Variants in MIER2 observed in about 807,000 individuals in gnomAD.
MIER2 encodes the protein mesoderm induction early response protein 2.
Under a neutral mutation model 67.6 loss-of-function variants are expected in MIER2, and 30 were observed. The observed-to-expected ratio is 0.44, with a 90% CI of 0.33 to 0.60. MIER2 has a LOEUF of 0.60. MIER2 is among the 20% of genes least tolerant of loss of function. MIER2 has a pLI of 0.02. For missense variants in MIER2, 702 were observed against 745.1 expected, an observed-to-expected ratio of 0.94 and a Z score of 0.67; for synonymous variants, 372 against 312.6, an observed-to-expected ratio of 1.19 and a Z score of -2.00.
At chr19:306,851 TGAGGGGAGCTGGTGGCTGGAGCAGGG>T in intron 13 of MIER2, 140 bp from the exon 14 acceptor site, 1 of 1,365,466 alleles carries the variant, frequency 7.3e-7, no homozygotes, top group African/African-American at 1.4e-5. Flanking sequence ...CGGGGTGCCC[TGAGGGGAGCTGGTGGCTGGAGCAGGG>T]GTGGGACAGC....
At chr19:317,261 C>CTCTT (rs1319301751) in intron 7 of MIER2, among the ~76,000 whole-genome samples, 1 of 151,838 alleles carries the variant, frequency 6.6e-6, no homozygotes, top group Non-Finnish European at 1.5e-5. Flanking sequence ...GGCGCGGTGG[C>CTCTT]GGGCACCTGT....
intron 1 of MIER2, among the ~76,000 whole-genome samples, chr19:336,642 G>C (rs1972270952): frequency 6.6e-6 from 1 of 152,208 alleles, no homozygotes; most frequent in South Asian, 2.1e-4. Flanking sequence ...GAGAGTGACT[G>C]CTAACGGGGA....
At chr19:315,533 T>A (rs1370794222) in intron 7 of MIER2, among the ~76,000 whole-genome samples, 1 of 152,088 alleles carries the variant, frequency 6.6e-6, no homozygotes, top group African/African-American at 2.4e-5. Flanking sequence ...TAGAAAAGAA[T>A]CTCAAGGACC....
rs182407866 is a variant in MIER2, at chr19:341,688, G to T, written c.9+3086C>A. Among the ~76,000 whole-genome samples the T allele has an allele frequency of 1.2e-4, 19 of 152,308 alleles. No homozygotes were observed. The East Asian group carries it at 3.3e-3, about 26-fold the overall frequency. On this transcript the variant is annotated intron_variant, in intron 1 of 13. Transcript: ENST00000264819. Reference sequence around the variant, plus strand: ...TCCCTCTGAGTTCACTCCCAGGAAAGACAAAGTCCTCTGTTTTGTCAAAGT... The same window carrying T: ...TCCCTCTGAGTTCACTCCCAGGAAATACAAAGTCCTCTGTTTTGTCAAAGT...
At chr19:328,737 G>A (rs1971881849) in intron 3 of MIER2, among the ~76,000 whole-genome samples, 1 of 152,082 alleles carries the variant, frequency 6.6e-6, no homozygotes, top group African/African-American at 2.4e-5. Context: ...GGCAGAGTGA[G>A]AATCTGTCTC....
intron 3 of MIER2, among the ~76,000 whole-genome samples, chr19:333,775 G>A (rs963412976): frequency 1.2e-4 from 17 of 145,208 alleles, no homozygotes; most frequent in South Asian, 4.7e-4. Flanking sequence ...TGCAAGCTCC[G>A]TCTCCCGGGT....
intron 7 of MIER2, among the ~76,000 whole-genome samples, chr19:314,571 G>C (rs928306878): frequency 6.6e-6 from 1 of 152,126 alleles, no homozygotes; most frequent in African/African-American, 2.4e-5. Context: ...GGGCTGACGC[G>C]GTAACTAGCT....
Position 311,860 on chromosome 19 carries a change from C to A in MIER2, c.969G>T (p.Leu323=). ...GAGTCCGCACCTTGTTGGCCTGGAT[C>A]AGGTGAAAGTTCTTTCCATGCACAC... ...GFRVHGKNFH[L]IQANKVRTRS... Residue 323 remains leucine, a synonymous_variant, in exon 10 of 14, where the codon CTG becomes CTT. Transcript: ENST00000264819. 1.2e-6 allele frequency: 2 copies of A among 1,614,068 alleles called. No homozygotes were observed. Among genetic ancestry groups the A allele is most frequent in the East Asian group, 4.5e-5 (2 of 44,864 alleles).
At chr19:306,973 T>TA in intron 13 of MIER2, 146 bp downstream of exon 13, 2 of 1,042,348 alleles carry the variant, frequency 1.9e-6, no homozygotes, top group Non-Finnish European at 2.7e-6. Context: ...AGAATAAACC[T>TA]AAAGACACAC....
intron 7 of MIER2, among the ~76,000 whole-genome samples, chr19:321,073 C>T (rs1347222546): frequency 6.6e-6 from 1 of 152,208 alleles, no homozygotes; most frequent in Non-Finnish European, 1.5e-5. Flanking sequence ...GATCTGAGAG[C>T]CAAGACAGAG....
intron 7 of MIER2, among the ~76,000 whole-genome samples, chr19:315,875 C>T (rs753166853): frequency 6.6e-6 from 1 of 152,166 alleles, no homozygotes; most frequent in Non-Finnish European, 1.5e-5. Flanking sequence ...CACACGAAGA[C>T]GTGTGCACAG....
intron 7 of MIER2, among the ~76,000 whole-genome samples, chr19:322,261 A>G (rs1971533406): frequency 1.3e-5 from 2 of 152,214 alleles, no homozygotes; most frequent in African/African-American, 4.8e-5. Context: ...GAAAGGAAAA[A>G]CAATAAATCT....
chr19:334,878 G>C (rs768578092), intron 2 of MIER2, among the ~76,000 whole-genome samples: 1 of 152,200 alleles, frequency 6.6e-6, no homozygotes, highest in Non-Finnish European at 1.5e-5. Flanking sequence ...GGTAGAAGGA[G>C]CAGCAGGACT....
chr19:334,361 T>G, intron 3 of MIER2, 39 bp downstream of exon 3: 3 of 1,612,518 alleles, frequency 1.9e-6, no homozygotes, highest in Non-Finnish European at 2.5e-6. Flanking sequence ...CCCGGAGGGC[T>G]CCACCCAACA....
chr19:308,859 C>T lies in MIER2; in HGVS notation c.1051G>A (p.Asp351Asn), dbSNP rs777817036. The change falls in exon 11 of 14, where the codon GAC becomes AAC. Residue 351 changes from aspartate to asparagine, a missense_variant. By Grantham distance (23) the Asp-to-Asn change is conservative. Coordinates refer to ENST00000264819, the MANE Select transcript of MIER2 (RefSeq NM_017550.3). This position sits in a 1 kb window ranked among gnomAD's most constrained non-coding sequence, Gnocchi z 9.1. The stretch of plus-strand genomic sequence containing the variant: ...AGCCGCGTCTGCTGGGCGAAGTAGT[C>T]GTAGCGCTCCGACTTCTTCCACAGG... ...YYLWKKSERY[D>N]YFAQQTRLGR... The T allele has an allele frequency of 2.5e-6, 4 of 1,611,546 alleles. No homozygotes were observed. The highest frequency in any genetic ancestry group is 2.2e-5 in the South Asian group (2 of 91,054).
At chr19:329,577 A>G (rs1013287185) in intron 3 of MIER2, among the ~76,000 whole-genome samples, 4 of 151,852 alleles carry the variant, frequency 2.6e-5, no homozygotes, top group African/African-American at 9.7e-5. Context: ...AAAAGCAAAC[A>G]CCCCAGCTTC....
intron 7 of MIER2, among the ~76,000 whole-genome samples, chr19:314,520 C>T (rs567923871): frequency 6.6e-6 from 1 of 152,298 alleles, no homozygotes; most frequent in South Asian, 2.1e-4. Flanking sequence ...GTGAAAAACG[C>T]ACTGGGGAAA....
chr19:313,923 C>G (rs1971127602), intron 7 of MIER2, among the ~76,000 whole-genome samples: 1 of 152,294 alleles, frequency 6.6e-6, no homozygotes, highest in African/African-American at 2.4e-5. Context: ...GCAGGGGCGC[C>G]TGATCCAGCC....
intron 7 of MIER2, among the ~76,000 whole-genome samples, chr19:318,615 C>A (rs1034379650): frequency 6.6e-6 from 1 of 152,120 alleles, no homozygotes; most frequent in African/African-American, 2.4e-5. Context: ...GAAAATTCCA[C>A]CCAACAACAG....
Sources: allele counts gnomAD v4.1 joint callset (sites outside exome capture counted in the v4.1 genomes callset), GRCh38; gene constraint gnomAD v4.1.1; non-coding constraint Gnocchi (gnomAD v3.1); transcripts MANE v1.5; gene names NCBI Gene and HGNC (gene_info 2026-07-23, HGNC 2026-07-21).